TNPO3: variants seen among roughly 807,000 people sequenced by gnomAD.
TNPO3 encodes transportin-3.
A neutral mutation model predicts 122.8 loss-of-function variants in TNPO3; 65 were observed. The ratio of observed to expected loss-of-function variants is 0.53; its 90% CI spans 0.43 to 0.65. The LOEUF is 0.65. Among genes scored for constraint, TNPO3 ranks in the 30% least tolerant of loss-of-function variants. The pLI is 0.00. For synonymous variants in TNPO3, 372 were observed against 411.2 expected, an observed-to-expected ratio of 0.90 and a Z score of 1.15; for missense variants, 850 against 1,136.7, an observed-to-expected ratio of 0.75 and a Z score of 3.63.
At chr7:128,999,689 C>T (rs1208076570) in intron 7 of TNPO3, among the ~76,000 whole-genome samples, 1 of 151,696 alleles carries the variant, frequency 6.6e-6, no homozygotes, top group Non-Finnish European at 1.5e-5. Context: ...CAGCTCACTA[C>T]AACCTCTGCC....
At position 128,984,303 on chromosome 7, in the gene TNPO3, T is replaced by C. The variant is rs757016598; in HGVS notation, c.1691-44A>G. 2.0e-5 allele frequency: 28 copies of C among 1,435,790 alleles called. 1 individual carries two copies. In the Admixed American group the frequency reaches 4.7e-4, roughly 24 times the overall value. The allele number at this position is 1,435,790 out of a possible 1,614,324, so 88.9% of individuals were successfully genotyped here. A position where few individuals can be genotyped will look rare whatever the true frequency, so the allele number is the denominator to read the frequency against. The stretch of plus-strand genomic sequence containing the variant: ...TACAAATGAAAAATAAACGCTGAAT[T>C]GAGGTAACTTAACTGGACTACATCA... On this transcript the variant is annotated intron_variant, in intron 12 of 22. Coordinates refer to ENST00000265388, the MANE Select transcript of TNPO3 (RefSeq NM_012470.4).
At chr7:128,992,875 T>C (rs866108356) in intron 9 of TNPO3, among the ~76,000 whole-genome samples, 2 of 152,092 alleles carry the variant, frequency 1.3e-5, no homozygotes, top group Admixed American at 1.3e-4. Context: ...ATTTACATAA[T>C]TTGTAAATTA....
intron 13 of TNPO3, among the ~76,000 whole-genome samples, chr7:128,983,691 T>TAA (rs1397676516): frequency 6.6e-6 from 1 of 152,212 alleles, no homozygotes. Context: ...AACTGCAGAT[T>TAA]AAAGAATCTC....
intron 5 of TNPO3, among the ~76,000 whole-genome samples, chr7:129,003,654 G>C (rs1011535831): frequency 6.6e-6 from 1 of 151,956 alleles, no homozygotes; most frequent in Admixed American, 6.6e-5. Flanking sequence ...GGACGACAGG[G>C]AGACACCCTG....
chr7:129,016,910 T>C lies in TNPO3; in HGVS notation c.395+73A>G, dbSNP rs541798521. Reference sequence around the variant, plus strand: ...AGGGAAATAGTCAAATATCTAGCTATTGCTAACAAATTTCTCTGTGTAGGT... The same window carrying C: ...AGGGAAATAGTCAAATATCTAGCTACTGCTAACAAATTTCTCTGTGTAGGT... On this transcript the variant is annotated intron_variant, in intron 3 of 22. Transcript: ENST00000265388. The C allele has an allele frequency of 3.1e-6, 4 of 1,296,150 alleles. No homozygotes were observed. In the African/African-American group the frequency reaches 4.4e-5, roughly 14 times the overall value. 80.3% of individuals were successfully genotyped at this position (1,296,150 alleles called of 1,614,324 possible). A position where few individuals can be genotyped will look rare whatever the true frequency, so the allele number is the denominator to read the frequency against.
chr7:129,010,277 C>T (rs1803040075), intron 4 of TNPO3, among the ~76,000 whole-genome samples: 1 of 152,170 alleles, frequency 6.6e-6, no homozygotes, highest in Non-Finnish European at 1.5e-5. Context: ...AGTGATCCTT[C>T]CTGCCTCAGC....
chr7:129,004,409 T>A (rs566855927), intron 5 of TNPO3, among the ~76,000 whole-genome samples: 14 of 152,330 alleles, frequency 9.2e-5, no homozygotes, highest in African/African-American at 2.6e-4. Flanking sequence ...CTTATTCTAA[T>A]CACTCCCTAA....
intron 19 of TNPO3, 113 bp from the exon 20 acceptor site, chr7:128,970,428 G>A: frequency 9.9e-7 from 1 of 1,014,456 alleles, no homozygotes; most frequent in Non-Finnish European, 1.4e-6. Flanking sequence ...GTGTGTGTGT[G>A]CACGCGTGGC....
At chr7:129,007,398 A>G (rs1802694391) in intron 4 of TNPO3, among the ~76,000 whole-genome samples, 1 of 152,240 alleles carries the variant, frequency 6.6e-6, no homozygotes, top group Admixed American at 6.5e-5. Context: ...CTGTAAAGTT[A>G]GGCAGACTGC....
chr7:128,984,747 T>C (rs1426871280), intron 12 of TNPO3, among the ~76,000 whole-genome samples: 1 of 152,240 alleles, frequency 6.6e-6, no homozygotes, highest in East Asian at 1.9e-4. Flanking sequence ...ATAAGAGACA[T>C]TTTCTTTGGG....
At chr7:129,035,183 A>AGAAT (rs1806479038) in intron 1 of TNPO3, among the ~76,000 whole-genome samples, 1 of 151,342 alleles carries the variant, frequency 6.6e-6, no homozygotes, top group Non-Finnish European at 1.5e-5. Flanking sequence ...CTGAGGCAGG[A>AGAAT]GAATGGCGTG....
chr7:128,978,915 A>G, intron 16 of TNPO3, 68 bp downstream of exon 16: 1 of 1,575,462 alleles, frequency 6.3e-7, no homozygotes, highest in Non-Finnish European at 8.6e-7. Context: ...TACAGACGTG[A>G]GCCACCGCAC....
intron 11 of TNPO3, among the ~76,000 whole-genome samples, chr7:128,988,683 T>G (rs1191339989): frequency 6.6e-6 from 1 of 152,186 alleles, no homozygotes; most frequent in Non-Finnish European, 1.5e-5. Context: ...ATCTACTATG[T>G]TTCTTGGTGG....
chr7:129,042,284 T>C lies in TNPO3; in HGVS notation c.120+12367A>G, dbSNP rs562352824. Among the ~76,000 whole-genome samples the C allele has an allele frequency of 5.3e-4, 81 of 152,342 alleles. 4 individuals are homozygous for C. The South Asian group carries it at 7.2e-3, about 14-fold the overall frequency. On this transcript the variant is annotated intron_variant, in intron 1 of 22. Transcript: ENST00000265388. ...TTTAAGCATTTCGATGAGTGAACGA[T>C]ATTATTTACTAAATGAAGATTTTCA...
chr7:128,996,053 C>A (rs971189736), intron 8 of TNPO3, among the ~76,000 whole-genome samples: 1 of 152,140 alleles, frequency 6.6e-6, no homozygotes, highest in Non-Finnish European at 1.5e-5. Flanking sequence ...AACCACCAGA[C>A]TAAATCATGA....
At chr7:129,007,896 A>T (rs531741085) in intron 4 of TNPO3, among the ~76,000 whole-genome samples, 16 of 152,264 alleles carry the variant, frequency 1.1e-4, no homozygotes, top group African/African-American at 3.9e-4. Flanking sequence ...CACGGCTGTA[A>T]TCCCAGCACT....
chr7:129,005,217 T>C lies in TNPO3; in HGVS notation c.553-58A>G, dbSNP rs921194253. ...GTTAATCTATATATTTAAACCATTA[T>C]TTCAATCACCTTACAAGTATAATAA... On this transcript the variant is annotated intron_variant, in intron 4 of 22. Transcript: ENST00000265388. 6.1e-6 allele frequency: 9 copies of C among 1,471,006 alleles called. No homozygotes were observed. In the African/African-American group the frequency reaches 1.3e-4, roughly 21 times the overall value. 91.1% of individuals were successfully genotyped at this position (1,471,006 alleles called of 1,614,324 possible). A position where few individuals can be genotyped will look rare whatever the true frequency, so the allele number is the denominator to read the frequency against.
intron 1 of TNPO3, among the ~76,000 whole-genome samples, chr7:129,047,997 A>T (rs1244680104): frequency 1.3e-5 from 2 of 152,064 alleles, no homozygotes; most frequent in African/African-American, 4.8e-5. Flanking sequence ...GAGGTGAGAG[A>T]AGTGCTTGAG....
At chr7:129,007,730 A>C (rs2067204192) in intron 4 of TNPO3, among the ~76,000 whole-genome samples, 1 of 152,258 alleles carries the variant, frequency 6.6e-6, no homozygotes, top group Non-Finnish European at 1.5e-5. Context: ...GCTAACTTGC[A>C]GAGAAATTAA....
Sources: gnomAD v4.1 joint callset for allele counts (sites outside exome capture counted in the v4.1 genomes callset) on GRCh38, gnomAD v4.1.1 for gene constraint, MANE v1.5 for transcripts, NCBI Gene and HGNC (gene_info 2026-07-23, HGNC 2026-07-21) for gene names.